The following CTNNA3 variants were observed in gnomAD, a reference collection of about 807,000 sequenced individuals.
The protein encoded by CTNNA3 is catenin alpha-3.
Under a neutral mutation model 95.7 loss-of-function variants are expected in CTNNA3, and 76 were observed. The observed-to-expected ratio is 0.79, with a 90% CI of 0.66 to 0.96. The LOEUF (loss-of-function observed/expected upper bound fraction) is 0.96. CTNNA3 is among the 40% of genes least tolerant of loss of function. The pLI is 0.00. For synonymous variants in CTNNA3, 431 were observed against 374.4 expected, an observed-to-expected ratio of 1.15 and a Z score of -1.74; for missense variants, 1,191 against 1,089.8, an observed-to-expected ratio of 1.09 and a Z score of -1.31.
intron 5 of CTNNA3, among the ~76,000 whole-genome samples, chr10:67,404,875 C>T (rs1412770192): frequency 6.6e-6 from 1 of 152,192 alleles, no homozygotes; most frequent in Non-Finnish European, 1.5e-5. Flanking sequence ...CAGCAGAAAC[C>T]ATGCAAGCCA....
intron 12 of CTNNA3, 121 bp downstream of exon 12, chr10:66,379,031 T>A: frequency 2.5e-6 from 2 of 794,344 alleles, no homozygotes; most frequent in Non-Finnish European, 4.2e-6. Flanking sequence ...GCAAGCACTG[T>A]ATAGCAATGT....
At chr10:67,066,213 G>A (rs1319957278) in intron 7 of CTNNA3, among the ~76,000 whole-genome samples, 1 of 28,934 alleles carries the variant, frequency 3.5e-5, no homozygotes, top group Non-Finnish European at 6.4e-5. Flanking sequence ...TTTTTTTTTT[G>A]AGACAGTCTT....
chr10:66,181,865 A>T (rs2086056874), intron 13 of CTNNA3, among the ~76,000 whole-genome samples: 1 of 152,334 alleles, frequency 6.6e-6, no homozygotes, highest in African/African-American at 2.4e-5. Flanking sequence ...ATATTTTAAA[A>T]ATCCCCAAAC....
chr10:66,636,431 T>G (rs1845340181), intron 9 of CTNNA3, among the ~76,000 whole-genome samples: 1 of 151,980 alleles, frequency 6.6e-6, no homozygotes, highest in African/African-American at 2.4e-5. Context: ...AAATATATAT[T>G]ATTTATGGTT....
rs949454246 is a variant in CTNNA3 at position 66,545,084 on chromosome 10, G to A, written c.1375-24311C>T. 7.2e-5 allele frequency among the ~76,000 whole-genome samples: 11 copies of A among 152,064 alleles called. No homozygotes were observed. The South Asian group carries it at 1.5e-3, about 20-fold the overall frequency. On this transcript the variant is annotated intron_variant, in intron 10 of 17. Transcript: ENST00000433211. ...TGCAGAAGGAATACTAAAGTTGAAC[G>A]GGTAGGATATTTTATCTTCTTTTAA...
intron 15 of CTNNA3, among the ~76,000 whole-genome samples, chr10:66,059,256 G>A (rs1483225709): frequency 2.0e-5 from 3 of 152,050 alleles, no homozygotes; most frequent in African/African-American, 7.2e-5. Context: ...TCTGTCCAAA[G>A]TTCTCTTCAG....
chr10:66,220,946 G>A (rs1048987372), intron 13 of CTNNA3, among the ~76,000 whole-genome samples: 2 of 152,212 alleles, frequency 1.3e-5, no homozygotes, highest in African/African-American at 4.8e-5. Context: ...AAACAGGGAT[G>A]TAAAGTTCTC....
At chr10:67,405,651 G>C (rs1325730859) in intron 5 of CTNNA3, among the ~76,000 whole-genome samples, 1 of 152,062 alleles carries the variant, frequency 6.6e-6, no homozygotes, top group Non-Finnish European at 1.5e-5. Context: ...CATCAAGACA[G>C]AAAATTAACA....
chr10:66,396,472 C>G (rs1021723006), intron 11 of CTNNA3, among the ~76,000 whole-genome samples: 1 of 151,896 alleles, frequency 6.6e-6, no homozygotes, highest in Non-Finnish European at 1.5e-5. Flanking sequence ...ATTATATTTT[C>G]GCCTCAATTA....
intron 7 of CTNNA3, among the ~76,000 whole-genome samples, chr10:66,851,297 C>T (rs1226579480): frequency 6.6e-6 from 1 of 152,154 alleles, no homozygotes; most frequent in Non-Finnish European, 1.5e-5. Context: ...TTGAAGCCTT[C>T]CTTCTGCTTC....
At chr10:66,514,286 G>A (rs12254628) in intron 11 of CTNNA3, among the ~76,000 whole-genome samples, 4,825 of 152,048 alleles carry the variant, frequency 0.032, 252 homozygotes, top group African/African-American at 0.11. Flanking sequence ...GAGACTTCAG[G>A]CAAAACTATG....
chr10:66,445,557 T>C (rs7076861), intron 11 of CTNNA3, among the ~76,000 whole-genome samples: 57,979 of 151,738 alleles, frequency 0.38, 11,627 homozygotes, highest in African/African-American at 0.5. Context: ...ACGGAACAAC[T>C]TGCTCCTGAA....
At chr10:66,498,844 A>C (rs1186840334) in intron 11 of CTNNA3, among the ~76,000 whole-genome samples, 2 of 152,194 alleles carry the variant, frequency 1.3e-5, no homozygotes, top group Non-Finnish European at 2.9e-5. Context: ...ACATACATAC[A>C]TCTGGCTTTG....
At chr10:66,774,175 C>G (rs191642656) in intron 8 of CTNNA3, among the ~76,000 whole-genome samples, 1 of 152,242 alleles carries the variant, frequency 6.6e-6, no homozygotes, top group African/African-American at 2.4e-5. Flanking sequence ...GGAAAAGACA[C>G]GAACGAGAGA....
At chr10:66,553,820 C>T (rs2132115479) in intron 10 of CTNNA3, among the ~76,000 whole-genome samples, 1 of 152,100 alleles carries the variant, frequency 6.6e-6, no homozygotes, top group East Asian at 1.9e-4. Flanking sequence ...AGCCACTGCG[C>T]CCGGCCATGA....
At chr10:66,321,098 T>C (rs2092178292) in intron 12 of CTNNA3, among the ~76,000 whole-genome samples, 1 of 152,120 alleles carries the variant, frequency 6.6e-6, no homozygotes, top group Admixed American at 6.5e-5. Context: ...TAGATTATGA[T>C]ATGAATAGTG....
intron 7 of CTNNA3, among the ~76,000 whole-genome samples, chr10:67,005,159 T>C (rs556601627): frequency 6.6e-6 from 1 of 152,304 alleles, no homozygotes; most frequent in South Asian, 2.1e-4. Flanking sequence ...AAGTGGTTTC[T>C]TGACATTTTA....
intron 9 of CTNNA3, among the ~76,000 whole-genome samples, chr10:66,714,610 C>T (rs1012373475): frequency 1.3e-5 from 2 of 152,092 alleles, no homozygotes; most frequent in Admixed American, 1.3e-4. Context: ...CTTTTTTGAG[C>T]AGTGCTTCTT....
intron 12 of CTNNA3, among the ~76,000 whole-genome samples, chr10:66,308,767 C>T (rs961847880): frequency 2.0e-5 from 3 of 152,060 alleles, no homozygotes; most frequent in Non-Finnish European, 4.4e-5. Flanking sequence ...CTTGTACAGG[C>T]TAATTTGCTT....
Sources: allele counts gnomAD v4.1 joint callset (sites outside exome capture counted in the v4.1 genomes callset), GRCh38; gene constraint gnomAD v4.1.1; transcripts MANE v1.5; gene names NCBI Gene and HGNC (gene_info 2026-07-23, HGNC 2026-07-21).